MIR2052HG: variants seen among roughly 807,000 people sequenced by gnomAD.
MIR2052HG encodes MIR2052 host gene.
rs546913455 is a variant in MIR2052HG at position 74,728,611 on chromosome 8, G to A, written n.372-23830G>A. On this transcript the variant is annotated intron_variant and non_coding_transcript_variant, in intron 4 of 6. Coordinates refer to ENST00000523442, the Ensembl canonical transcript of MIR2052HG. ...GCTAAGGATTAAGTATAGGGGCCAG[G>A]TAGTGTTAAATTGGGTGCACCTGAC... Among the ~76,000 whole-genome samples, 7 of 152,234 alleles carry A rather than the reference G, an allele frequency of 4.6e-5. No homozygotes were observed. The East Asian group carries it at 5.8e-4, about 13-fold the overall frequency.
At chr8:74,635,240 ATTTT>A (rs199652112) in intron 2 of MIR2052HG, among the ~76,000 whole-genome samples, 1 of 145,520 alleles carries the variant, frequency 6.9e-6, no homozygotes. Context: ...ACAAAAACAG[ATTTT>A]TTTTTTTTTT....
At chr8:74,682,559 G>A (rs1284494319) in intron 2 of MIR2052HG, among the ~76,000 whole-genome samples, 2 of 152,062 alleles carry the variant, frequency 1.3e-5, no homozygotes, top group Admixed American at 1.3e-4. Flanking sequence ...GTGAAAAGAT[G>A]CTGGATCTTA....
chr8:74,691,440 C>T (rs112043777), intron 2 of MIR2052HG, among the ~76,000 whole-genome samples: 29 of 152,182 alleles, frequency 1.9e-4, no homozygotes, highest in African/African-American at 6.7e-4. Flanking sequence ...GTAATTTGGC[C>T]GTGTCTTTAT....
At chr8:74,730,732 T>C (rs1809682939) in intron 4 of MIR2052HG, among the ~76,000 whole-genome samples, 1 of 152,208 alleles carries the variant, frequency 6.6e-6, no homozygotes, top group Admixed American at 6.5e-5. Context: ...ATTCTGCCTG[T>C]AGATAAACTC....
At chr8:74,691,622 A>G (rs760005562) in intron 2 of MIR2052HG, among the ~76,000 whole-genome samples, 1 of 152,242 alleles carries the variant, frequency 6.6e-6, no homozygotes, top group Non-Finnish European at 1.5e-5. Flanking sequence ...ACCCAATTCC[A>G]TGCTGTGCAC....
intron 4 of MIR2052HG, among the ~76,000 whole-genome samples, chr8:74,713,266 A>G (rs1446365750): frequency 2.0e-5 from 3 of 152,154 alleles, no homozygotes; most frequent in African/African-American, 4.8e-5. Context: ...CACTCTCTCA[A>G]TCTTCAGTGT....
At chr8:74,662,701 AG>A (rs1384455887) in intron 2 of MIR2052HG, among the ~76,000 whole-genome samples, 10 of 152,182 alleles carry the variant, frequency 6.6e-5, no homozygotes, top group African/African-American at 2.2e-4. Context: ...TTCCACTTAT[AG>A]GGTGGAAAAC....
intron 2 of MIR2052HG, among the ~76,000 whole-genome samples, chr8:74,661,368 A>G (rs1808862905): frequency 6.6e-6 from 1 of 151,924 alleles, no homozygotes; most frequent in Non-Finnish European, 1.5e-5. Flanking sequence ...AGACTCAGCT[A>G]ATTTTTGTAT....
At chr8:74,700,890 T>C (rs1472376192) in intron 2 of MIR2052HG, among the ~76,000 whole-genome samples, 1 of 152,170 alleles carries the variant, frequency 6.6e-6, no homozygotes, top group African/African-American at 2.4e-5. Context: ...GATGTTTTCT[T>C]CTATGCTAAG....
chr8:74,699,695 TC>T (rs1485256970), intron 2 of MIR2052HG, among the ~76,000 whole-genome samples: 1 of 151,952 alleles, frequency 6.6e-6, no homozygotes, highest in Non-Finnish European at 1.5e-5. Context: ...TGCACACTGT[TC>T]GGGTCACGGG....
At position 74,656,041 on chromosome 8, in the gene MIR2052HG, C is replaced by G. The variant is rs193045840; in HGVS notation, n.216+43101C>G. Among the ~76,000 whole-genome samples, 3 of 152,232 alleles carry G rather than the reference C, an allele frequency of 2.0e-5. No individual in the cohort carries two copies. In the East Asian group the frequency reaches 5.8e-4, roughly 29 times the overall value. On this transcript the variant is annotated intron_variant and non_coding_transcript_variant, in intron 2 of 6. Coordinates refer to ENST00000523442, the Ensembl canonical transcript of MIR2052HG. ...ACTACCCCACTGGATTTTGAACTTG[C>G]GTGGGCCCTGTAACCCCTTTGTTTT...
Position 74,684,953 on chromosome 8 carries a change from C to T in MIR2052HG, n.217-17426C>T, listed in dbSNP as rs538363904. Among the ~76,000 whole-genome samples the T allele has an allele frequency of 6.6e-5, 10 of 152,090 alleles. No homozygotes were observed. In the South Asian group the frequency reaches 1.2e-3, roughly 19 times the overall value. ...GGTGGGAAGAGCTCAGACTTTACAG[C>T]GAGACAAATCTGATTCTGAACTCTA... is the stretch of plus-strand genomic sequence containing the variant. On this transcript the variant is annotated intron_variant and non_coding_transcript_variant, in intron 2 of 6. Transcript: ENST00000523442.
intron 2 of MIR2052HG, among the ~76,000 whole-genome samples, chr8:74,693,526 G>A (rs1275999493): frequency 2.0e-5 from 3 of 151,026 alleles, no homozygotes; most frequent in Admixed American, 6.6e-5. Flanking sequence ...TCTCAGTGGG[G>A]AGGCTTAGAG....
At chr8:74,624,980 C>G (rs769677562) in intron 2 of MIR2052HG, among the ~76,000 whole-genome samples, 1 of 152,120 alleles carries the variant, frequency 6.6e-6, no homozygotes, top group Non-Finnish European at 1.5e-5. Flanking sequence ...AACCCGTATT[C>G]ACAAACCATA....
intron 1 of MIR2052HG, chr8:74,603,471 A>T (rs1224635457): frequency 6.2e-7 from 1 of 1,600,300 alleles, no homozygotes; most frequent in African/African-American, 1.3e-5. Context: ...TGGCGCCTTG[A>T]CGCCCGATTA....
intron 4 of MIR2052HG, among the ~76,000 whole-genome samples, chr8:74,717,075 T>C (rs1809527775): frequency 6.6e-6 from 1 of 152,180 alleles, no homozygotes; most frequent in Non-Finnish European, 1.5e-5. Flanking sequence ...TGTGCCATGG[T>C]GTTCTGCTGC....
chr8:74,757,121 G>T (rs1056143399), intron 5 of MIR2052HG: 25 of 152,214 alleles, frequency 1.6e-4, no homozygotes, highest in African/African-American at 5.5e-4. Context: ...GGCACTGGAG[G>T]TCATGCAGAG....
intron 2 of MIR2052HG, among the ~76,000 whole-genome samples, chr8:74,642,590 T>C (rs921955522): frequency 6.6e-6 from 1 of 152,184 alleles, no homozygotes; most frequent in Non-Finnish European, 1.5e-5. Flanking sequence ...CAGTGACATT[T>C]TATATATTTG....
At chr8:74,677,466 A>G (rs1363713902) in intron 2 of MIR2052HG, among the ~76,000 whole-genome samples, 1 of 152,146 alleles carries the variant, frequency 6.6e-6, no homozygotes, top group Non-Finnish European at 1.5e-5. Flanking sequence ...CCAGAAACTG[A>G]TGTCATGCAA....
Sources: gnomAD v4.1 joint callset for allele counts (sites outside exome capture counted in the v4.1 genomes callset) on GRCh38, gnomAD v4.1.1 for gene constraint, MANE v1.5 for transcripts, NCBI Gene and HGNC (gene_info 2026-07-23, HGNC 2026-07-21) for gene names.